Variants in LARS2 observed in about 807,000 individuals in gnomAD.
LARS2 encodes the protein leucine--tRNA ligase, mitochondrial.
A neutral mutation model predicts 116.6 loss-of-function variants in LARS2; 81 were observed. The ratio of observed to expected loss-of-function variants is 0.69; its 90% CI spans 0.58 to 0.84. LARS2 has a LOEUF of 0.84. LARS2 is among the 40% of genes least tolerant of loss of function. LARS2 has a pLI of 0.00. For missense variants in LARS2, 968 were observed against 1,114.5 expected (o/e 0.87, Z 1.87); for synonymous variants, 396 against 407.2 (o/e 0.97, Z 0.33).
chr3:45,408,888 T>C (rs1424336142), intron 4 of LARS2, among the ~76,000 whole-genome samples: 1 of 152,218 alleles, frequency 6.6e-6, no homozygotes, highest in Non-Finnish European at 1.5e-5. Context: ...GAAGTTTATT[T>C]TGTGGATTTC....
intron 20 of LARS2, among the ~76,000 whole-genome samples, chr3:45,531,557 T>A (rs1700615251): frequency 6.6e-6 from 1 of 151,656 alleles, no homozygotes; most frequent in Non-Finnish European, 1.5e-5. Context: ...TTTGTATTTT[T>A]TCTTTTTATA....
intron 20 of LARS2, 77 bp from the exon 21 acceptor site, chr3:45,541,752 A>C: frequency 1.3e-6 from 2 of 1,554,660 alleles, no homozygotes; most frequent in Non-Finnish European, 1.7e-6. Context: ...CTGTGTTGGG[A>C]TGGAAGCTTT....
rs543565456 is a variant in LARS2 at position 45,513,791 on chromosome 3, C to T, written c.1861+556C>T. Among the ~76,000 whole-genome samples, 158 of 152,328 alleles carry T rather than the reference C, an allele frequency of 1.0e-3. 5 individuals carry two copies. In the South Asian group the frequency reaches 0.02, roughly 19 times the overall value. ...GCCTTTTCCTTCCACTCTGCATTTT[C>T]ACCCTTTACCCTTTACATTTCACCC... On this transcript the variant is annotated intron_variant, in intron 16 of 21. Transcript: ENST00000645846.
intron 10 of LARS2, among the ~76,000 whole-genome samples, chr3:45,483,317 T>C (rs922802794): frequency 2.6e-5 from 4 of 152,206 alleles, no homozygotes; most frequent in African/African-American, 9.7e-5. Flanking sequence ...CATATTATAA[T>C]TGCAAAATTT....
At chr3:45,525,801 A>G (rs895570688) in intron 20 of LARS2, among the ~76,000 whole-genome samples, 1 of 152,232 alleles carries the variant, frequency 6.6e-6, no homozygotes, top group Admixed American at 6.5e-5. Flanking sequence ...AGTGTACCCA[A>G]GATAAGTCTG....
At chr3:45,477,182 G>A (rs1005990993) in intron 10 of LARS2, among the ~76,000 whole-genome samples, 9 of 152,174 alleles carry the variant, frequency 5.9e-5, no homozygotes, top group African/African-American at 1.9e-4. Flanking sequence ...GTTGTACTTG[G>A]TCTGTGAAGA....
chr3:45,516,068 T>C, intron 16 of LARS2, 26 bp from the exon 17 acceptor site: 1 of 1,599,116 alleles, frequency 6.3e-7, no homozygotes, highest in Non-Finnish European at 8.6e-7. Context: ...ACACATACCA[T>C]ACCTATGGAT....
At chr3:45,512,707 A>C (rs1700308160) in intron 15 of LARS2, among the ~76,000 whole-genome samples, 1 of 152,250 alleles carries the variant, frequency 6.6e-6, no homozygotes, top group African/African-American at 2.4e-5. Context: ...ATGTATACAA[A>C]GGCATTGAAA....
intron 12 of LARS2, 133 bp from the exon 13 acceptor site, chr3:45,491,384 G>C (rs778247461): frequency 1.1e-6 from 1 of 902,912 alleles, no homozygotes; most frequent in Non-Finnish European, 1.7e-6. Flanking sequence ...GCTCATGAAA[G>C]TTATGACACA....
In LARS2 at chr3:45,464,117, A is replaced by G. The variant is rs977944917; in HGVS notation, c.750+5231A>G. Among the ~76,000 whole-genome samples the G allele has an allele frequency of 2.0e-5, 3 of 152,038 alleles. No homozygotes were observed. The South Asian group carries it at 6.2e-4, about 32-fold the overall frequency. Reference sequence around the variant, plus strand: ...TCTTTGTTCCTGTCCTCCTGATTTCACCTGTGAGCTTGTGGGTAAAGCAGA... The same window carrying G: ...TCTTTGTTCCTGTCCTCCTGATTTCGCCTGTGAGCTTGTGGGTAAAGCAGA... On this transcript the variant is annotated intron_variant, in intron 8 of 21. Transcript: ENST00000645846.
chr3:45,440,132 A>G lies in LARS2; in HGVS notation c.517-6759A>G, dbSNP rs9856439. 2.8e-3 allele frequency among the ~76,000 whole-genome samples: 434 copies of G among 152,310 alleles called. 6 individuals are homozygous for G. Among genetic ancestry groups the G allele is most frequent in the African/African-American group, 9.8e-3 (409 of 41,574 alleles). On this transcript the variant is annotated intron_variant, in intron 6 of 21. Transcript: ENST00000645846. ...CTCCCTCTTCCAACGCCGCAGGTGTACAGAGCTGTGGACTGGAAGCTTGAA... is the reference window on the plus strand; with the variant it reads ...CTCCCTCTTCCAACGCCGCAGGTGTGCAGAGCTGTGGACTGGAAGCTTGAA...
intron 4 of LARS2, among the ~76,000 whole-genome samples, chr3:45,406,773 C>T (rs1053464703): frequency 6.6e-6 from 1 of 152,118 alleles, no homozygotes; most frequent in Non-Finnish European, 1.5e-5. Flanking sequence ...TGAGCAGGGG[C>T]CATTTGAAGC....
intron 21 of LARS2, among the ~76,000 whole-genome samples, chr3:45,546,231 C>A (rs1033821957): frequency 1.3e-5 from 2 of 152,212 alleles, no homozygotes; most frequent in Admixed American, 1.3e-4. Flanking sequence ...TGGGAGGTCT[C>A]TTCCAGGGTC....
In LARS2 at chr3:45,547,611, C is replaced by G; in HGVS notation, c.*81C>G. 1 of 1,301,054 alleles carries G rather than the reference C, an allele frequency of 7.7e-7. No homozygotes were observed. The highest frequency in any genetic ancestry group is 1.1e-6 in the Non-Finnish European group (1 of 936,650). The allele number at this position is 1,301,054 out of a possible 1,614,324, so 80.6% of individuals were successfully genotyped here. On this transcript the variant is annotated 3_prime_UTR_variant, in exon 22 of 22. Transcript: ENST00000645846. ...GGGATGAGGGGGCGATGTCTGCTGG[C>G]CCAGGGGAAGGGAAAAGACAAATGT... is the stretch of plus-strand genomic sequence containing the variant.
intron 10 of LARS2, among the ~76,000 whole-genome samples, 190 bp from the exon 11 acceptor site, chr3:45,485,502 C>T (rs1699789494): frequency 6.6e-6 from 1 of 152,156 alleles, no homozygotes; most frequent in African/African-American, 2.4e-5. Flanking sequence ...TTTTCATGTG[C>T]GTATTTAATC....
intron 6 of LARS2, among the ~76,000 whole-genome samples, chr3:45,437,404 C>A (rs564346830): frequency 1.3e-5 from 2 of 152,258 alleles, no homozygotes; most frequent in Non-Finnish European, 2.9e-5. Context: ...AACACCTGTT[C>A]CCTCAATTCT....
At chr3:45,406,629 C>T (rs1249821525) in intron 4 of LARS2, among the ~76,000 whole-genome samples, 1 of 152,102 alleles carries the variant, frequency 6.6e-6, no homozygotes, top group African/African-American at 2.4e-5. Flanking sequence ...CTGCCCTACC[C>T]GCATCATGGA....
chr3:45,536,208 A>G (rs1474067733), intron 20 of LARS2, among the ~76,000 whole-genome samples: 2 of 152,102 alleles, frequency 1.3e-5, no homozygotes, highest in East Asian at 1.9e-4. Context: ...TGCAACCTCA[A>G]CCTCTCAGGC....
chr3:45,495,012 G>A (rs1307138782), intron 13 of LARS2, among the ~76,000 whole-genome samples: 2 of 152,206 alleles, frequency 1.3e-5, no homozygotes, highest in African/African-American at 4.8e-5. Context: ...AGGTTGCAGT[G>A]AGCTGAGATC....
Sources: allele counts gnomAD v4.1 joint callset (sites outside exome capture counted in the v4.1 genomes callset), GRCh38; gene constraint gnomAD v4.1.1; transcripts MANE v1.5; gene names NCBI Gene and HGNC (gene_info 2026-07-23, HGNC 2026-07-21).